The following ADAM9 variants were observed in gnomAD, a reference collection of about 807,000 sequenced individuals.
The protein encoded by ADAM9 is disintegrin and metalloproteinase domain-containing protein 9.
ADAM9 carries 54 observed loss-of-function variants against 108.1 expected under a neutral mutation model. That is an observed-to-expected ratio of 0.50 (90% CI 0.40 to 0.63). ADAM9 has a LOEUF of 0.63. ADAM9 is among the 20% of genes least tolerant of loss of function. The pLI is 0.00. For synonymous variants in ADAM9, 316 were observed against 336.0 expected (o/e 0.94, Z 0.65); for missense variants, 830 against 997.7 (o/e 0.83, Z 2.26).
rs1163847367 is a variant in ADAM9 at position 39,090,640 on chromosome 8, T to TAA, written c.2210+452_2210+453insAA. ...TAATGGGGAGGAGAAAGGCTTATGT[T>TAA]GGTCAGCCTTTAGGCTGCTGAAAGT... is the stretch of plus-strand genomic sequence containing the variant. On this transcript the variant is annotated intron_variant, in intron 19 of 21. Transcript: ENST00000487273. Among the ~76,000 whole-genome samples, 90 of 152,356 alleles carry TAA rather than the reference T, an allele frequency of 5.9e-4. 2 individuals are homozygous for TAA. In the South Asian group the frequency reaches 0.018, roughly 30 times the overall value.
intron 12 of ADAM9, among the ~76,000 whole-genome samples, chr8:39,045,127 CAT>C (rs1837628167): frequency 4.0e-5 from 2 of 49,550 alleles, no homozygotes; most frequent in African/African-American, 1.1e-4. Context: ...TGTGTGTGTG[CAT>C]ACATACATAT....
intron 18 of ADAM9, among the ~76,000 whole-genome samples, chr8:39,088,347 C>T (rs1406525809): frequency 2.6e-5 from 4 of 152,148 alleles, no homozygotes; most frequent in South Asian, 2.1e-4. Flanking sequence ...CTCCGCCTCC[C>T]GGGTTCATGC....
chr8:39,014,576 A>T (rs1309901841), intron 4 of ADAM9: 1 of 702,442 alleles, frequency 1.4e-6, no homozygotes, highest in South Asian at 1.5e-5. Flanking sequence ...GCAGATGTCA[A>T]ATTTGGCTTT....
chr8:39,002,757 A>G (rs1836042402), intron 1 of ADAM9, among the ~76,000 whole-genome samples: 2 of 152,228 alleles, frequency 1.3e-5, no homozygotes, highest in Admixed American at 1.3e-4. Flanking sequence ...AAGTGCAACT[A>G]ACACCTTTTC....
chr8:39,083,954 G>T (rs4518631), intron 18 of ADAM9, among the ~76,000 whole-genome samples: 1 of 152,146 alleles, frequency 6.6e-6, no homozygotes, highest in South Asian at 2.1e-4. Context: ...CTGTATATGA[G>T]AGAATTCCCC....
intron 18 of ADAM9, 28 bp from the exon 19 acceptor site, chr8:39,090,019 A>T (rs1441001037): frequency 6.2e-7 from 1 of 1,612,154 alleles, no homozygotes; most frequent in African/African-American, 1.3e-5. Context: ...GAGTTTGGTG[A>T]CTGTTGATGT....
intron 7 of ADAM9, 28 bp downstream of exon 7, chr8:39,018,946 TTC>T (rs1270466411): frequency 1.2e-6 from 2 of 1,604,438 alleles, no homozygotes; most frequent in African/African-American, 2.7e-5. Flanking sequence ...TTTTCTTCTT[TTC>T]CATGAAAAGG....
intron 16 of ADAM9, among the ~76,000 whole-genome samples, chr8:39,079,278 T>A (rs889059906): frequency 2.0e-5 from 3 of 152,262 alleles, no homozygotes; most frequent in Admixed American, 6.5e-5. Flanking sequence ...TAATTTTTTT[T>A]AATTTTTCTG....
At chr8:38,999,713 G>C (rs1281521685) in intron 1 of ADAM9, among the ~76,000 whole-genome samples, 1 of 152,136 alleles carries the variant, frequency 6.6e-6, no homozygotes, top group Non-Finnish European at 1.5e-5. Flanking sequence ...CTAGTTCCTG[G>C]TTTCCAAGAC....
rs766494967 is a variant in ADAM9, at chr8:39,103,935, A to C, written c.*235A>C. 3.0e-6 allele frequency: 2 copies of C among 663,170 alleles called. No homozygotes were observed. Among genetic ancestry groups the C allele is most frequent in the African/African-American group, 1.8e-5 (1 of 56,502 alleles). 41.1% of individuals were successfully genotyped at this position (663,170 alleles called of 1,614,324 possible). Reference sequence around the variant, plus strand: ...ACATTTCCGTTTCCATCATTGAATAAGTCTTATTCAGTCATCGGTGAGGTT... The same window carrying C: ...ACATTTCCGTTTCCATCATTGAATACGTCTTATTCAGTCATCGGTGAGGTT... On this transcript the variant is annotated 3_prime_UTR_variant, in exon 22 of 22. Coordinates refer to ENST00000487273, the MANE Select transcript of ADAM9 (RefSeq NM_003816.3).
In ADAM9 at chr8:39,045,570, GTATA is replaced by G. The variant is rs146208883; in HGVS notation, c.1302+3468_1302+3471del. On this transcript the variant is annotated intron_variant, in intron 12 of 21. Transcript: ENST00000487273. ...TGTGTGTGTGTATATGTGTGTGTGT[GTATA>G]TATATATATATATAAAAGATTTTTC... Among the ~76,000 whole-genome samples, 78 of 95,190 alleles carry G rather than the reference GTATA, an allele frequency of 8.2e-4. 1 individual carries two copies. Among genetic ancestry groups the G allele is most frequent in the East Asian group, 9.8e-4 (2 of 2,038 alleles). The allele number at this position is 95,190 out of a possible 152,430, so 62.4% of individuals were successfully genotyped here.
chr8:39,055,474 A>G lies in ADAM9; in HGVS notation c.1396-103A>G, dbSNP rs149240112. ...CTGTTGGGTTATTTAATCTTTTGCT[A>G]TTGTTAGAATGCTTTATAGATGTAA... On this transcript the variant is annotated intron_variant, in intron 13 of 21. Transcript: ENST00000487273. 22 of 1,159,030 alleles carry G rather than the reference A, an allele frequency of 1.9e-5. No individual in the cohort carries two copies. In the East Asian group the frequency reaches 4.6e-4, roughly 24 times the overall value. 71.8% of individuals were successfully genotyped at this position (1,159,030 alleles called of 1,614,324 possible). A position where few individuals can be genotyped will look rare whatever the true frequency, so the allele number is the denominator to read the frequency against.
At chr8:39,037,050 C>CT (rs58876607) in intron 11 of ADAM9, among the ~76,000 whole-genome samples, 3,703 of 78,608 alleles carry the variant, frequency 0.047, 366 homozygotes, top group African/African-American at 0.15. Flanking sequence ...TGCGCAAGTT[C>CT]TTTTTTTTTT....
chr8:39,041,369 T>C (rs142126247), intron 11 of ADAM9, among the ~76,000 whole-genome samples: 385 of 152,346 alleles, frequency 2.5e-3, no homozygotes, highest in African/African-American at 9.0e-3. Flanking sequence ...AAATTTATTA[T>C]ATGTAAAGCT....
At chr8:39,027,604 A>G (rs75559276) in intron 11 of ADAM9, among the ~76,000 whole-genome samples, 1,985 of 152,286 alleles carry the variant, frequency 0.013, 18 homozygotes, top group Non-Finnish European at 0.021. Flanking sequence ...TAATTATAAT[A>G]GAAGATCCCA....
At position 39,007,867 on chromosome 8, in the gene ADAM9, GT is replaced by G; in HGVS notation, c.98-14del. 1 of 1,545,184 alleles carries G rather than the reference GT, an allele frequency of 6.5e-7. No individual in the cohort carries two copies. ...TTTTTCAGTTTCACTTATTATATTT[GT>G]TTTTGCCTTTTCTGTAGGCTTTCAA... is the stretch of plus-strand genomic sequence containing the variant. On this transcript the variant is annotated intron_variant, in intron 1 of 21. Transcript: ENST00000487273.
intron 16 of ADAM9, 146 bp from the exon 17 acceptor site, chr8:39,082,495 T>A (rs1404986784): frequency 4.2e-5 from 26 of 612,074 alleles, no homozygotes; most frequent in African/African-American, 2.6e-4. Flanking sequence ...TCTGCATTTT[T>A]AAAAATATAA....
At position 39,017,312 on chromosome 8, in the gene ADAM9, C is replaced by G. The variant is rs886062922; in HGVS notation, c.504C>G (p.Val168=). 2 of 1,613,998 alleles carry G rather than the reference C, an allele frequency of 1.2e-6. No homozygotes were observed. The highest frequency in any genetic ancestry group is 2.2e-5 in the South Asian group (2 of 91,076). ...FEHIIYRMDD[V]YKEPLKCGVS... The stretch of plus-strand genomic sequence containing the variant: ...ACATCATTTATCGAATGGATGATGT[C>G]TACAAAGAGCCTCTGAAATGTGGAG... The change falls in exon 6 of 22, where the codon GTC becomes GTG. Residue 168 remains valine, a synonymous_variant. Transcript: ENST00000487273.
rs1452346000 is a variant in ADAM9, at chr8:39,035,758, A to T, written c.1131-6188A>T. On this transcript the variant is annotated intron_variant, in intron 11 of 21. Transcript: ENST00000487273. ...CATGAACCCGGGAGGCAGAGCTTGC[A>T]GTGAGCTGAGATCGTGCCACTGCAT... Among the ~76,000 whole-genome samples the T allele has an allele frequency of 2.0e-5, 3 of 152,186 alleles. No individual in the cohort carries two copies. In the East Asian group the frequency reaches 5.8e-4, roughly 29 times the overall value.
Sources: gnomAD v4.1 joint callset for allele counts (sites outside exome capture counted in the v4.1 genomes callset) on GRCh38, gnomAD v4.1.1 for gene constraint, MANE v1.5 for transcripts, NCBI Gene and HGNC (gene_info 2026-07-23, HGNC 2026-07-21) for gene names.